The following RAD51B variants were observed in gnomAD, a reference collection of about 807,000 sequenced individuals.
RAD51B encodes RAD51 paralog B.
In RAD51B, 38 loss-of-function variants were observed where a neutral mutation model predicts 42.2. That is an observed-to-expected ratio of 0.90 (90% CI 0.70 to 1.18). The LOEUF is 1.18. RAD51B is among the 50% of genes most tolerant of loss of function. The pLI is 0.00. For missense variants in RAD51B, 373 were observed against 400.7 expected (o/e 0.93, Z 0.59); for synonymous variants, 154 against 145.2 (o/e 1.06, Z -0.43).
At chr14:68,481,795 C>T (rs1025948600), downstream of RAD51B, among the ~76,000 whole-genome samples, 1 of 152,198 alleles carries the variant, frequency 6.6e-6, no homozygotes, top group Non-Finnish European at 1.5e-5. Flanking sequence ...CCTAAGTTCA[C>T]TAAAGTACTC....
intron 7 of RAD51B, among the ~76,000 whole-genome samples, chr14:68,099,131 T>A (rs2077246195): frequency 6.6e-6 from 1 of 152,256 alleles, no homozygotes; most frequent in Non-Finnish European, 1.5e-5. Context: ...TGGGAAAGTC[T>A]CTTTGTTCTC....
intron 10 of RAD51B, among the ~76,000 whole-genome samples, chr14:68,603,841 C>T (rs993048766): frequency 2.0e-5 from 3 of 152,212 alleles, no homozygotes; most frequent in South Asian, 4.1e-4. Context: ...GCCCCCTGTC[C>T]GCATGCTGTC....
intron 7 of RAD51B, among the ~76,000 whole-genome samples, chr14:68,152,700 A>G (rs1380713393): frequency 6.8e-6 from 1 of 147,066 alleles, no homozygotes; most frequent in African/African-American, 2.5e-5. Flanking sequence ...TTCATTACCT[A>G]GGTACTAAGC....
At chr14:68,176,278 G>A (rs2140871942) in intron 7 of RAD51B, among the ~76,000 whole-genome samples, 1 of 152,326 alleles carries the variant, frequency 6.6e-6, no homozygotes, top group East Asian at 1.9e-4. Context: ...GTGAGGCACA[G>A]AGAGGTTAAG....
intron 11 of RAD51B, among the ~76,000 whole-genome samples, chr14:68,656,738 C>A (rs1892824421): frequency 6.6e-6 from 1 of 152,258 alleles, no homozygotes; most frequent in African/African-American, 2.4e-5. Context: ...AGAGGACCAG[C>A]CAGGCCCCAA....
intron 9 of RAD51B, among the ~76,000 whole-genome samples, chr14:68,414,680 T>A (rs990833072): frequency 4.0e-5 from 6 of 151,848 alleles, no homozygotes; most frequent in African/African-American, 1.5e-4. Context: ...ATCAGAGGCA[T>A]ATTAAGTCTT....
downstream of RAD51B, among the ~76,000 whole-genome samples, chr14:68,611,885 T>C (rs958228932): frequency 5.7e-5 from 6 of 104,412 alleles, no homozygotes; most frequent in Non-Finnish European, 2.0e-5. Context: ...CAGTGTAAGA[T>C]TTTTTTTTTT....
At chr14:68,206,670 C>T (rs1241439891) in intron 7 of RAD51B, among the ~76,000 whole-genome samples, 1 of 150,898 alleles carries the variant, frequency 6.6e-6, no homozygotes, top group African/African-American at 2.5e-5. Context: ...CATATCTCCA[C>T]CGTCTATTTT....
chr14:67,925,608 T>A (rs1840035252), intron 7 of RAD51B, among the ~76,000 whole-genome samples: 1 of 152,140 alleles, frequency 6.6e-6, no homozygotes, highest in African/African-American at 2.4e-5. Context: ...ATGGTGGCCA[T>A]CTTCTCACAG....
intron 7 of RAD51B, among the ~76,000 whole-genome samples, chr14:67,973,158 C>T (rs1054941523): frequency 6.6e-6 from 1 of 152,124 alleles, no homozygotes; most frequent in Non-Finnish European, 1.5e-5. Context: ...AATTCTGGCT[C>T]TACCTTTGAC....
rs1175572312 is a variant in RAD51B at position 68,215,681 on chromosome 14, C to T, written c.757-76203C>T. On this transcript the variant is annotated intron_variant, in intron 7 of 10. Coordinates refer to ENST00000471583, the MANE Select transcript of RAD51B (RefSeq NM_133510.4). ...TTGTTACCACTGGAGAGGTTATGAA[C>T]GTGCCCAAAGGCACTGGCTGCCTAG... 5.9e-5 allele frequency among the ~76,000 whole-genome samples: 9 copies of T among 152,322 alleles called. No homozygotes were observed. The South Asian group carries it at 1.0e-3, about 18-fold the overall frequency.
At chr14:68,000,209 G>A (rs1425686165) in intron 7 of RAD51B, 1 of 152,030 alleles carries the variant, frequency 6.6e-6, no homozygotes, top group African/African-American at 2.4e-5. Context: ...ACTGCTTTAC[G>A]TTGATAGTCT....
At chr14:68,639,787 T>C (rs1892417873) in intron 10 of RAD51B, among the ~76,000 whole-genome samples, 1 of 151,972 alleles carries the variant, frequency 6.6e-6, no homozygotes, top group Admixed American at 6.6e-5. Flanking sequence ...TGTTGTTTTG[T>C]TTTTTGTTTT....
intron 9 of RAD51B, among the ~76,000 whole-genome samples, chr14:68,441,378 TAA>T (rs1047496769): frequency 7.0e-6 from 1 of 143,102 alleles, no homozygotes. Context: ...CCGTCTCTAG[TAA>T]AAAAACAAAA....
chr14:68,022,227 T>C, intron 7 of RAD51B, among the ~76,000 whole-genome samples: 1 of 152,204 alleles, frequency 6.6e-6, no homozygotes, highest in East Asian at 1.9e-4. Flanking sequence ...GATTATGGCC[T>C]CCAGCTTTCT....
intron 7 of RAD51B, among the ~76,000 whole-genome samples, chr14:67,976,686 A>C (rs946416232): frequency 6.6e-6 from 1 of 152,070 alleles, no homozygotes; most frequent in African/African-American, 2.4e-5. Flanking sequence ...CACCAAAAGC[A>C]ATGGCAACAA....
chr14:68,211,693 T>C (rs1204599244), intron 7 of RAD51B, among the ~76,000 whole-genome samples: 1 of 152,198 alleles, frequency 6.6e-6, no homozygotes, highest in Non-Finnish European at 1.5e-5. Context: ...TCATTGTCTC[T>C]AGGCCAAAGA....
At chr14:68,064,149 G>T (rs1197149502) in intron 7 of RAD51B, among the ~76,000 whole-genome samples, 1 of 152,184 alleles carries the variant, frequency 6.6e-6, no homozygotes, top group Non-Finnish European at 1.5e-5. Context: ...TAGTGGTGAT[G>T]AATTCTCTCA....
intron 7 of RAD51B, among the ~76,000 whole-genome samples, chr14:68,191,334 CAG>C (rs1356124256): frequency 6.6e-6 from 1 of 152,126 alleles, no homozygotes; most frequent in African/African-American, 2.4e-5. Flanking sequence ...TTCTGTATAA[CAG>C]AGTTTGAAAC....
Sources: allele counts gnomAD v4.1 joint callset (sites outside exome capture counted in the v4.1 genomes callset), GRCh38; gene constraint gnomAD v4.1.1; transcripts MANE v1.5; gene names NCBI Gene and HGNC (gene_info 2026-07-23, HGNC 2026-07-21).